COL25A1: variants seen among roughly 807,000 people sequenced by gnomAD.
The protein encoded by COL25A1 is collagen alpha-1(XXV) chain.
Under a neutral mutation model 128.4 loss-of-function variants are expected in COL25A1, and 103 were observed. That is an observed-to-expected ratio of 0.80 (90% CI 0.68 to 0.94). The LOEUF is 0.94. Ranked by LOEUF, COL25A1 falls within the 40% of genes least tolerant of loss-of-function variation. The pLI is 0.00. For missense variants in COL25A1, 745 were observed against 840.0 expected (o/e 0.89, Z 1.40); for synonymous variants, 279 against 277.2 (o/e 1.01, Z -0.06).
chr4:109,099,058 C>T (rs950696229), intron 3 of COL25A1, among the ~76,000 whole-genome samples: 1 of 152,214 alleles, frequency 6.6e-6, no homozygotes, highest in Non-Finnish European at 1.5e-5. Context: ...ACAGCAAATA[C>T]ACAATGAAGG....
At chr4:109,292,137 G>C (rs1326498024) in intron 3 of COL25A1, among the ~76,000 whole-genome samples, 3 of 150,018 alleles carry the variant, frequency 2.0e-5, no homozygotes, top group Non-Finnish European at 3.0e-5. Flanking sequence ...GCCAGCATCG[G>C]GGAGAGAGGT....
At chr4:108,824,280 T>C (rs904835736) in intron 34 of COL25A1, 53 bp from the exon 35 acceptor site, 1 of 1,226,990 alleles carries the variant, frequency 8.2e-7, no homozygotes, top group Non-Finnish European at 1.2e-6. Context: ...AGTGGCAAAA[T>C]CATATAGAAA....
At chr4:109,184,219 T>C (rs868269977) in intron 3 of COL25A1, among the ~76,000 whole-genome samples, 6 of 152,184 alleles carry the variant, frequency 3.9e-5, no homozygotes, top group Admixed American at 1.3e-4. Flanking sequence ...ATATTTACTT[T>C]GTTGCTAAAT....
chr4:108,845,132 C>G, intron 29 of COL25A1, 57 bp downstream of exon 29: 1 of 1,398,804 alleles, frequency 7.1e-7, no homozygotes, highest in Non-Finnish European at 1.0e-6. Context: ...AGGTAAGTAA[C>G]ATGTCAGTGT....
chr4:109,140,702 A>G (rs1770315259), intron 3 of COL25A1, among the ~76,000 whole-genome samples: 1 of 152,108 alleles, frequency 6.6e-6, no homozygotes, highest in Non-Finnish European at 1.5e-5. Flanking sequence ...GCAATTGTGA[A>G]TGGGAGTTCA....
At chr4:109,007,794 G>A (rs1430133451) in intron 6 of COL25A1, among the ~76,000 whole-genome samples, 2 of 113,090 alleles carry the variant, frequency 1.8e-5, no homozygotes, top group Admixed American at 9.7e-5. Context: ...AGGACCTGAT[G>A]TGAAGGTGTT....
At chr4:109,287,435 G>T (rs1431853255) in intron 3 of COL25A1, among the ~76,000 whole-genome samples, 1 of 152,082 alleles carries the variant, frequency 6.6e-6, no homozygotes, top group African/African-American at 2.4e-5. Context: ...TTTCACCTTT[G>T]CCAGAGTCGA....
intron 13 of COL25A1, among the ~76,000 whole-genome samples, chr4:108,915,366 C>CT (rs1744748957): frequency 1.3e-5 from 2 of 151,930 alleles, no homozygotes; most frequent in Non-Finnish European, 1.5e-5. Flanking sequence ...TCTCTCTCTC[C>CT]CTTTCTTTTT....
intron 3 of COL25A1, among the ~76,000 whole-genome samples, chr4:109,274,021 T>C (rs1396059740): frequency 1.3e-5 from 2 of 152,206 alleles, no homozygotes; most frequent in Non-Finnish European, 2.9e-5. Context: ...GTAATGGGTA[T>C]AGGTGGCAAA....
chr4:109,055,327 C>T (rs1421933000), intron 3 of COL25A1, among the ~76,000 whole-genome samples: 3 of 152,160 alleles, frequency 2.0e-5, no homozygotes, highest in Admixed American at 6.5e-5. Flanking sequence ...CAGAGCAGCT[C>T]CAGATTGCCA....
At chr4:109,226,327 A>G (rs1164426760) in intron 3 of COL25A1, among the ~76,000 whole-genome samples, 1 of 152,138 alleles carries the variant, frequency 6.6e-6, no homozygotes, top group Non-Finnish European at 1.5e-5. Context: ...ACCACTGTAC[A>G]ATATATCCAT....
chr4:109,072,285 C>A (rs897513009), intron 3 of COL25A1, among the ~76,000 whole-genome samples: 7 of 152,188 alleles, frequency 4.6e-5, no homozygotes, highest in Non-Finnish European at 1.0e-4. Context: ...TTTCTGTTAA[C>A]AGATGAACGA....
At chr4:108,990,489 G>A (rs1754126325) in intron 6 of COL25A1, among the ~76,000 whole-genome samples, 1 of 151,624 alleles carries the variant, frequency 6.6e-6, no homozygotes, top group African/African-American at 2.4e-5. Context: ...AGGGTCTTAT[G>A]CTATAACCAT....
At chr4:108,948,610 C>T (rs146825495) in intron 8 of COL25A1, among the ~76,000 whole-genome samples, 116 of 152,006 alleles carry the variant, frequency 7.6e-4, no homozygotes, top group African/African-American at 2.5e-3. Flanking sequence ...TCAAGTGGCT[C>T]GAAAAGTGAC....
chr4:108,814,458 G>T, intron 37 of COL25A1, among the ~76,000 whole-genome samples: 1 of 152,216 alleles, frequency 6.6e-6, no homozygotes, highest in East Asian at 1.9e-4. Context: ...TGAATGTTGT[G>T]CAAGGTAGAC....
chr4:108,895,024 C>A (rs1741963059), intron 16 of COL25A1, among the ~76,000 whole-genome samples: 1 of 152,024 alleles, frequency 6.6e-6, no homozygotes, highest in Admixed American at 6.6e-5. Flanking sequence ...CATCTGAGGG[C>A]CCCGTAACAG....
At chr4:109,125,646 AT>A (rs1183595799) in intron 3 of COL25A1, among the ~76,000 whole-genome samples, 1 of 152,178 alleles carries the variant, frequency 6.6e-6, no homozygotes, top group Non-Finnish European at 1.5e-5. Context: ...TGGAACAGTT[AT>A]TTTAACATCA....
chr4:109,146,584 T>G (rs901048930), intron 3 of COL25A1, among the ~76,000 whole-genome samples: 2 of 152,228 alleles, frequency 1.3e-5, no homozygotes, highest in African/African-American at 2.4e-5. Flanking sequence ...TTCCTGCTCT[T>G]TTCTCTTTAT....
At chr4:109,226,563 C>A (rs1379411005) in intron 3 of COL25A1, among the ~76,000 whole-genome samples, 1 of 151,930 alleles carries the variant, frequency 6.6e-6, no homozygotes, top group Non-Finnish European at 1.5e-5. Flanking sequence ...GGGGTGCGGG[C>A]CATAATCCTG....
Sources: allele counts gnomAD v4.1 joint callset (sites outside exome capture counted in the v4.1 genomes callset), GRCh38; gene constraint gnomAD v4.1.1; transcripts MANE v1.5; gene names NCBI Gene and HGNC (gene_info 2026-07-23, HGNC 2026-07-21).